Variants in RAD51B observed in about 807,000 individuals in gnomAD.
RAD51B encodes the protein DNA repair protein RAD51 homolog 2.
Under a neutral mutation model 42.2 loss-of-function variants are expected in RAD51B, and 38 were observed. The observed-to-expected ratio is 0.90, with a 90% CI of 0.70 to 1.18. The LOEUF (loss-of-function observed/expected upper bound fraction) is 1.18, where lower values mean the gene tolerates loss of function less well. Among genes scored for constraint, RAD51B ranks in the 50% most tolerant of loss-of-function variants. The pLI is 0.00. For missense variants in RAD51B, 373 were observed against 400.7 expected (o/e 0.93, Z 0.59); for synonymous variants, 154 against 145.2 (o/e 1.06, Z -0.43).
intron 8 of RAD51B, among the ~76,000 whole-genome samples, chr14:68,366,288 T>A (rs772042835): frequency 2.0e-5 from 3 of 152,216 alleles, no homozygotes; most frequent in Non-Finnish European, 4.4e-5. Context: ...CCTATGTCTG[T>A]GACGGTGATA....
chr14:68,222,602 A>C (rs1029775401), intron 7 of RAD51B, among the ~76,000 whole-genome samples: 1 of 152,170 alleles, frequency 6.6e-6, no homozygotes, highest in Non-Finnish European at 1.5e-5. Flanking sequence ...GGGTGCACCA[A>C]AATTTCAGAA....
At chr14:68,579,231 T>C (rs1890104390) in intron 10 of RAD51B, among the ~76,000 whole-genome samples, 3 of 152,212 alleles carry the variant, frequency 2.0e-5, no homozygotes, top group Admixed American at 2.0e-4. Context: ...AAGTCCTTTG[T>C]CCAGCTGCTT....
At chr14:68,447,558 G>T (rs1054188162) in intron 9 of RAD51B, among the ~76,000 whole-genome samples, 1 of 151,806 alleles carries the variant, frequency 6.6e-6, no homozygotes, top group South Asian at 2.1e-4. Flanking sequence ...AAAAGTTTCA[G>T]ATGAAGAGTA....
At chr14:68,005,167 C>T (rs890728383) in intron 7 of RAD51B, among the ~76,000 whole-genome samples, 1 of 150,836 alleles carries the variant, frequency 6.6e-6, no homozygotes, top group Non-Finnish European at 1.5e-5. Context: ...AATTCTCCTG[C>T]CTCAGGCTCC....
chr14:68,650,041 C>T (rs895031055), intron 10 of RAD51B, among the ~76,000 whole-genome samples: 1 of 152,160 alleles, frequency 6.6e-6, no homozygotes, highest in African/African-American at 2.4e-5. Flanking sequence ...GTCACTCCCC[C>T]CGCAGAGCCT....
At chr14:68,524,767 C>T (rs1007432653) in intron 10 of RAD51B, among the ~76,000 whole-genome samples, 2 of 152,132 alleles carry the variant, frequency 1.3e-5, no homozygotes, top group Non-Finnish European at 2.9e-5. Context: ...AGAAGATGGA[C>T]GTAGCTGTAG....
intron 8 of RAD51B, among the ~76,000 whole-genome samples, chr14:68,329,901 G>T (rs1442049491): frequency 6.7e-6 from 1 of 149,772 alleles, no homozygotes; most frequent in Non-Finnish European, 1.5e-5. Flanking sequence ...AGAAAGGCAT[G>T]AACCCAGGAG....
chr14:68,111,097 C>G (rs1373742107), intron 7 of RAD51B, among the ~76,000 whole-genome samples: 2 of 152,042 alleles, frequency 1.3e-5, no homozygotes, highest in Non-Finnish European at 2.9e-5. Flanking sequence ...TGTCTAGGCT[C>G]TTTTTGCATT....
intron 7 of RAD51B, among the ~76,000 whole-genome samples, chr14:68,272,927 G>T (rs1188953495): frequency 6.6e-6 from 1 of 150,972 alleles, no homozygotes; most frequent in African/African-American, 2.4e-5. Flanking sequence ...CTGGTGATCC[G>T]CCTGCCTCGG....
rs572257285 is a variant in RAD51B, at chr14:68,179,899, C to A, written c.757-111985C>A. ...GATGTGAATGGCTTATAAGGAGTCC[C>A]AAACACTAGGACACCAGCCAGTTGA... is the stretch of plus-strand genomic sequence containing the variant. On this transcript the variant is annotated intron_variant, in intron 7 of 10. Coordinates refer to ENST00000471583, the MANE Select transcript of RAD51B (RefSeq NM_133510.4). Among the ~76,000 whole-genome samples, 3 of 152,242 alleles carry A rather than the reference C, an allele frequency of 2.0e-5. 1 individual carries two copies. Among genetic ancestry groups the A allele is most frequent in the African/African-American group, 7.2e-5 (3 of 41,534 alleles).
intron 7 of RAD51B, among the ~76,000 whole-genome samples, chr14:68,155,540 T>A (rs970129801): frequency 2.0e-5 from 3 of 152,152 alleles, no homozygotes; most frequent in African/African-American, 7.2e-5. Flanking sequence ...TGTTTTTACT[T>A]ATTTTGCTTT....
intron 10 of RAD51B, among the ~76,000 whole-genome samples, chr14:68,472,408 A>G (rs376164972): frequency 6.6e-6 from 1 of 152,136 alleles, no homozygotes; most frequent in Non-Finnish European, 1.5e-5. Context: ...GAGCCCTCCT[A>G]GTTTTCAGGG....
intron 10 of RAD51B, among the ~76,000 whole-genome samples, chr14:68,580,298 G>A (rs1280083975): frequency 6.6e-6 from 1 of 151,442 alleles, no homozygotes; most frequent in Non-Finnish European, 1.5e-5. Flanking sequence ...GCGGCCAGCT[G>A]TGGTTTGGCC....
chr14:68,501,620 G>A (rs1594918424), intron 10 of RAD51B, among the ~76,000 whole-genome samples: 1 of 152,340 alleles, frequency 6.6e-6, no homozygotes, highest in East Asian at 1.9e-4. Context: ...GAGCAGCTGA[G>A]GTAGCTGATG....
At chr14:68,636,425 A>T (rs896011832) in intron 10 of RAD51B, among the ~76,000 whole-genome samples, 1 of 152,050 alleles carries the variant, frequency 6.6e-6, no homozygotes, top group African/African-American at 2.4e-5. Flanking sequence ...TCTACTAAAA[A>T]TACAAAAATT....
chr14:67,967,303 C>T (rs1024482604), intron 7 of RAD51B, among the ~76,000 whole-genome samples: 2 of 152,156 alleles, frequency 1.3e-5, no homozygotes, highest in African/African-American at 4.8e-5. Context: ...AAACCTCATT[C>T]AGCCTCTGGC....
chr14:67,979,352 G>C (rs1303940811), intron 7 of RAD51B, among the ~76,000 whole-genome samples: 1 of 152,082 alleles, frequency 6.6e-6, no homozygotes, highest in Admixed American at 6.6e-5. Flanking sequence ...CAGATTCTTT[G>C]TGTATCTCAA....
At chr14:68,557,087 T>C (rs1011804291) in intron 10 of RAD51B, among the ~76,000 whole-genome samples, 1 of 152,196 alleles carries the variant, frequency 6.6e-6, no homozygotes, top group African/African-American at 2.4e-5. Context: ...TCGGCTCCTT[T>C]CTACACTTTC....
chr14:68,453,387 C>T (rs906166083), intron 9 of RAD51B, among the ~76,000 whole-genome samples: 6 of 152,154 alleles, frequency 3.9e-5, no homozygotes, highest in African/African-American at 1.2e-4. Context: ...AGTAGTGTAG[C>T]AGTAGAACAC....
Sources: gnomAD v4.1 joint callset for allele counts (sites outside exome capture counted in the v4.1 genomes callset) on GRCh38, gnomAD v4.1.1 for gene constraint, MANE v1.5 for transcripts, NCBI Gene and HGNC (gene_info 2026-07-23, HGNC 2026-07-21) for gene names.